The following NBPF11 variants were observed in gnomAD, a reference collection of about 807,000 sequenced individuals.
NBPF11 encodes the protein NBPF family member NBPF11.
NBPF11 carries 72 observed loss-of-function variants against 93.9 expected under a neutral mutation model. That is an observed-to-expected ratio of 0.77 (90% CI 0.63 to 0.93). NBPF11 has a LOEUF of 0.93. NBPF11 is among the 40% of genes least tolerant of loss of function. The pLI is 0.00. For synonymous variants in NBPF11, 224 were observed against 304.9 expected, an observed-to-expected ratio of 0.73 and a Z score of 2.76; for missense variants, 705 against 802.2, an observed-to-expected ratio of 0.88 and a Z score of 1.46.
At chr1:148,118,529 C>A in intron 11 of NBPF11, 91 bp downstream of exon 11, 2 of 1,140,614 alleles carry the variant, frequency 1.8e-6, no homozygotes, top group South Asian at 2.5e-5. Flanking sequence ...TTCCCCTGGC[C>A]CAGCTTAGCT....
intron 1 of NBPF11, among the ~76,000 whole-genome samples, chr1:148,147,579 T>C (rs1384334035): frequency 6.6e-6 from 1 of 152,008 alleles, no homozygotes; most frequent in African/African-American, 2.4e-5. Flanking sequence ...TGGCTTTTCC[T>C]GCTCGCCATC....
chr1:148,111,236 C>A (rs1665184657), intron 15 of NBPF11, among the ~76,000 whole-genome samples: 4 of 152,104 alleles, frequency 2.6e-5, no homozygotes, highest in Admixed American at 2.0e-4. Context: ...CACCCCAAAA[C>A]CCCATCTGTA....
At chr1:148,131,086 C>T (rs1190301517) in intron 4 of NBPF11, among the ~76,000 whole-genome samples, 2 of 151,186 alleles carry the variant, frequency 1.3e-5, no homozygotes, top group Non-Finnish European at 2.9e-5. Context: ...ACGTAGCAGG[C>T]CAGGTCTCAC....
chr1:148,122,578 C>T (rs1449364813), intron 8 of NBPF11, 151 bp downstream of exon 8: 5 of 1,183,890 alleles, frequency 4.2e-6, no homozygotes, highest in African/African-American at 3.2e-5. Context: ...ACAACAGCTG[C>T]CGCACCCTGT....
At chr1:148,134,046 AC>A (rs1219723921) in intron 4 of NBPF11, among the ~76,000 whole-genome samples, 1 of 152,060 alleles carries the variant, frequency 6.6e-6, no homozygotes, top group East Asian at 1.9e-4. Flanking sequence ...TGTTGTTCTG[AC>A]AGCAGGGAGG....
intron 16 of NBPF11, among the ~76,000 whole-genome samples, chr1:148,109,568 G>T (rs1365801137): frequency 6.8e-6 from 1 of 146,936 alleles, no homozygotes; most frequent in Non-Finnish European, 1.5e-5. Context: ...TTCCCTATGT[G>T]CTCTGTCCTA....
At chr1:148,118,180 G>T (rs1484183291) in intron 11 of NBPF11, among the ~76,000 whole-genome samples, 2 of 146,678 alleles carry the variant, frequency 1.4e-5, no homozygotes, top group Non-Finnish European at 3.0e-5. Context: ...GATGCAGATA[G>T]GGCGAATTGA....
In NBPF11 at chr1:148,123,847, C is replaced by G; in HGVS notation, c.493+6G>C. 4 of 1,584,588 alleles carry G rather than the reference C, an allele frequency of 2.5e-6. No homozygotes were observed. The highest frequency in any genetic ancestry group is 3.5e-6 in the Non-Finnish European group (4 of 1,157,440). ...TTTGGGTCATCAGGGCCTATGGCCA[C>G]CTTACCTGGGCTGAGCTTTTGGACA... On this transcript the variant is annotated splice_donor_region_variant and intron_variant, in intron 7 of 23. Coordinates refer to ENST00000682118, the MANE Select transcript of NBPF11 (RefSeq NM_001385469.3).
Position 148,122,754 on chromosome 1 carries a change from T to C in NBPF11, c.541A>G (p.Lys181Glu). 1 of 1,609,834 alleles carries C rather than the reference T, an allele frequency of 6.2e-7. No homozygotes were observed. The highest frequency in any genetic ancestry group is 1.1e-5 in the South Asian group (1 of 90,944). Reference sequence around the variant, plus strand: ...CTGGGGGCAGATGATTCCAGTACTTTCTCATCCTCCTCAACTTGAACATCT... The same window carrying C: ...CTGGGGGCAGATGATTCCAGTACTTCCTCATCCTCCTCAACTTGAACATCT... ...DEDVQVEEDEKVLESSAPREV... is the reference protein window; with the variant it reads ...DEDVQVEEDEEVLESSAPREV... The change falls in exon 8 of 24, where the codon AAA becomes GAA. Residue 181 changes from lysine to glutamate, a missense_variant. Transcript: ENST00000682118.
intron 17 of NBPF11, among the ~76,000 whole-genome samples, 154 bp downstream of exon 17, chr1:148,109,130 T>G (rs1245206640): frequency 2.0e-5 from 3 of 151,636 alleles, no homozygotes; most frequent in African/African-American, 7.3e-5. Flanking sequence ...ACCTAAACAT[T>G]TACTCTAATG....
At chr1:148,121,553 C>G (rs1206794437) in intron 9 of NBPF11, among the ~76,000 whole-genome samples, 3 of 151,330 alleles carry the variant, frequency 2.0e-5, no homozygotes, top group Non-Finnish European at 2.9e-5. Context: ...GACGGGGTTT[C>G]ACCGTGTTAG....
At chr1:148,147,605 G>A (rs1337928463) in intron 1 of NBPF11, among the ~76,000 whole-genome samples, 7 of 152,104 alleles carry the variant, frequency 4.6e-5, no homozygotes, top group East Asian at 1.9e-4. Context: ...GGCCTGTCTC[G>A]TCCTGGCCCT....
At chr1:148,137,009 T>G (rs1293279179) in intron 3 of NBPF11, among the ~76,000 whole-genome samples, 2 of 151,852 alleles carry the variant, frequency 1.3e-5, no homozygotes, top group Non-Finnish European at 2.9e-5. Context: ...TGGGGGAATG[T>G]GAGTGTCCTA....
chr1:148,123,236 T>A (rs1668308665), intron 7 of NBPF11, among the ~76,000 whole-genome samples: 1 of 152,120 alleles, frequency 6.6e-6, no homozygotes, highest in Admixed American at 6.5e-5. Flanking sequence ...GCCCTCCATG[T>A]GGCTTCTGCT....
intron 8 of NBPF11, 99 bp from the exon 9 acceptor site, chr1:148,122,365 T>G: frequency 1.3e-6 from 2 of 1,582,530 alleles, no homozygotes; most frequent in East Asian, 2.2e-5. Context: ...ATTAAGAGAG[T>G]GGTCCCAGAA....
At chr1:148,119,714 G>GT (rs1667389996) in intron 10 of NBPF11, among the ~76,000 whole-genome samples, 1 of 151,678 alleles carries the variant, frequency 6.6e-6, no homozygotes, top group Admixed American at 6.6e-5. Flanking sequence ...GGAGTGCAAC[G>GT]GCAAAATCTT....
chr1:148,111,131 C>G (rs1300445347), intron 15 of NBPF11, among the ~76,000 whole-genome samples: 1 of 151,368 alleles, frequency 6.6e-6, no homozygotes, highest in East Asian at 1.9e-4. Context: ...GGACTTCCAG[C>G]AAACTCCAAC....
chr1:148,115,363 G>T (rs1666248822), intron 14 of NBPF11, among the ~76,000 whole-genome samples: 1 of 149,716 alleles, frequency 6.7e-6, no homozygotes, highest in African/African-American at 2.5e-5. Flanking sequence ...TGACTTAAAG[G>T]AGATCCAGAT....
chr1:148,118,592 C>G (rs1667116391), intron 11 of NBPF11, 28 bp downstream of exon 11: 1 of 1,591,658 alleles, frequency 6.3e-7, no homozygotes, highest in Admixed American at 1.7e-5. Flanking sequence ...CACCTGCCCC[C>G]CTGCCTGCCC....
Sources: gnomAD v4.1 joint callset for allele counts (sites outside exome capture counted in the v4.1 genomes callset) on GRCh38, gnomAD v4.1.1 for gene constraint, MANE v1.5 for transcripts, NCBI Gene and HGNC (gene_info 2026-07-23, HGNC 2026-07-21) for gene names.